Variants in PKD1L3 observed in about 807,000 individuals in gnomAD.
PKD1L3 encodes polycystin 1 like 3, transient receptor potential channel interacting, also known as polycystin-1-like protein 3.
In PKD1L3, 239 loss-of-function variants were observed where a neutral mutation model predicts 184.1. The observed-to-expected ratio is 1.30, with a 90% CI of 1.17 to 1.45. The LOEUF is 1.45. Among genes scored for constraint, PKD1L3 ranks in the 40% most tolerant of loss-of-function variants. The pLI is 0.00. For missense variants in PKD1L3, 2,660 were observed against 2,067.2 expected (o/e 1.29, Z -5.56); for synonymous variants, 996 against 778.8 (o/e 1.28, Z -4.64).
intron 6 of PKD1L3, 94 bp downstream of exon 6, chr16:71,983,942 C>T (rs917983834): frequency 3.1e-5 from 45 of 1,467,976 alleles, no homozygotes; most frequent in South Asian, 9.1e-5. Flanking sequence ...GGATTACAGG[C>T]GTGAGCCACC....
At chr16:71,947,655 T>G (rs912066203) in intron 21 of PKD1L3, 64 bp from the exon 22 acceptor site, 28 of 1,135,364 alleles carry the variant, frequency 2.5e-5, no homozygotes, top group Non-Finnish European at 2.5e-6. Context: ...TAATACCGTA[T>G]GTAAAGGAAG....
At chr16:71,932,317 T>C (rs2038003591) in intron 28 of PKD1L3, among the ~76,000 whole-genome samples, 1 of 152,218 alleles carries the variant, frequency 6.6e-6, no homozygotes, top group Non-Finnish European at 1.5e-5. Flanking sequence ...GTGCCTCATT[T>C]GGGTTTCCTA....
intron 1 of PKD1L3, among the ~76,000 whole-genome samples, chr16:71,999,000 G>C (rs1215280337): frequency 2.0e-5 from 3 of 152,058 alleles, no homozygotes; most frequent in Admixed American, 2.0e-4. Context: ...GGCCGGGCGC[G>C]GTGGCTCACG....
At chr16:71,979,282 A>G (rs1567539184) in intron 9 of PKD1L3, among the ~76,000 whole-genome samples, 1 of 152,136 alleles carries the variant, frequency 6.6e-6, no homozygotes, top group Admixed American at 6.6e-5. Flanking sequence ...CGCCTCTACT[A>G]AAAATACAAA....
At chr16:71,994,009 A>G (rs2040690677) in intron 2 of PKD1L3, among the ~76,000 whole-genome samples, 1 of 152,152 alleles carries the variant, frequency 6.6e-6, no homozygotes, top group South Asian at 2.1e-4. Flanking sequence ...ACCTCAGGTA[A>G]TGTGCCCGCC....
chr16:71,934,189 G>A, intron 26 of PKD1L3, 64 bp from the exon 27 acceptor site: 13 of 1,453,632 alleles, frequency 8.9e-6, no homozygotes, highest in Admixed American at 5.9e-5. Context: ...AGTTTCCCCA[G>A]CGCCCCTGCT....
intron 25 of PKD1L3, 54 bp from the exon 26 acceptor site, chr16:71,935,572 C>G: frequency 6.6e-7 from 1 of 1,512,402 alleles, no homozygotes; most frequent in Non-Finnish European, 8.9e-7. Context: ...AGCTAGGTCT[C>G]TCCCTGCTCA....
chr16:71,988,740 C>T (rs1256253912), intron 4 of PKD1L3, among the ~76,000 whole-genome samples: 1 of 152,124 alleles, frequency 6.6e-6, no homozygotes, highest in African/African-American at 2.4e-5. Flanking sequence ...AAAGCACACA[C>T]ATTTATTGAG....
chr16:71,932,609 G>C (rs1385787635), intron 28 of PKD1L3, among the ~76,000 whole-genome samples: 1 of 151,980 alleles, frequency 6.6e-6, no homozygotes, highest in African/African-American at 2.4e-5. Flanking sequence ...GAGGAGCTGG[G>C]ATTACAGGTG....
intron 15 of PKD1L3, among the ~76,000 whole-genome samples, chr16:71,964,301 G>C (rs976177806): frequency 9.0e-6 from 1 of 110,776 alleles, no homozygotes; most frequent in African/African-American, 3.4e-5. Context: ...AATTTCTCTC[G>C]TCAAAATCTT....
intron 2 of PKD1L3, among the ~76,000 whole-genome samples, chr16:71,994,129 C>A (rs1210488142): frequency 1.3e-5 from 2 of 152,162 alleles, no homozygotes; most frequent in Non-Finnish European, 2.9e-5. Flanking sequence ...CTCACACACA[C>A]AATTGGACAT....
chr16:71,938,831 CCT>C (rs2038267407), intron 24 of PKD1L3, among the ~76,000 whole-genome samples: 1 of 152,242 alleles, frequency 6.6e-6, no homozygotes, highest in Non-Finnish European at 1.5e-5. Flanking sequence ...CTCCTCTCCA[CCT>C]CTCTCACCCT....
intron 3 of PKD1L3, among the ~76,000 whole-genome samples, chr16:71,992,780 G>T (rs2040640108): frequency 6.6e-6 from 1 of 152,076 alleles, no homozygotes; most frequent in African/African-American, 2.4e-5. Context: ...ACTTTAAATC[G>T]ATCTGTTTCA....
intron 15 of PKD1L3, among the ~76,000 whole-genome samples, chr16:71,964,361 C>G (rs537195143): frequency 1.4e-3 from 113 of 81,840 alleles, no homozygotes; most frequent in African/African-American, 4.9e-3. Flanking sequence ...TTTTTTGAGA[C>G]AGAGTTTCAC....
chr16:71,999,613 C>CA (rs2040900761), intron 1 of PKD1L3, 71 bp downstream of exon 1: 1 of 1,141,952 alleles, frequency 8.8e-7, no homozygotes, highest in African/African-American at 1.6e-5. Context: ...TTAAGATTTT[C>CA]TTTTTTTTTT....
chr16:71,964,744 G>T (rs765728487), intron 15 of PKD1L3, among the ~76,000 whole-genome samples: 2 of 151,732 alleles, frequency 1.3e-5, no homozygotes, highest in Non-Finnish European at 2.9e-5. Flanking sequence ...CTCATTCCTG[G>T]CCTTAGGAGA....
intron 20 of PKD1L3, 48 bp from the exon 21 acceptor site, chr16:71,950,065 T>G (rs1187773489): frequency 6.5e-7 from 1 of 1,549,162 alleles, no homozygotes. Flanking sequence ...TCGGCTGAGA[T>G]AGAGGATGAG....
chr16:71,984,144 G>C lies in PKD1L3; in HGVS notation c.858C>G (p.Asn286Lys). The change falls in exon 6 of 30, where the codon AAC becomes AAG. Residue 286 changes from asparagine to lysine, a missense_variant. By Grantham distance (94) the Asn-to-Lys change is moderately conservative (BLOSUM62 0). Coordinates refer to ENST00000620267, the MANE Select transcript of PKD1L3 (RefSeq NM_181536.2). ...GCAAACCATGAACTGCTCTGCTGAA[G>C]TTCCCTGCTATCTCATCTATGACCT... ...SGQVIDEIAG[N>K]FSRAVHGLQA... The C allele has an allele frequency of 6.4e-7, 1 of 1,551,672 alleles. No homozygotes were observed. The highest frequency in any genetic ancestry group is 2.4e-5 in the East Asian group (1 of 40,906).
chr16:71,993,104 G>A lies in PKD1L3; in HGVS notation c.535+112C>T, dbSNP rs563989522. 2.5e-4 allele frequency: 182 copies of A among 727,662 alleles called. No individual in the cohort carries two copies. In the African/African-American group the frequency reaches 2.9e-3, roughly 12 times the overall value. 45.1% of individuals were successfully genotyped at this position (727,662 alleles called of 1,614,324 possible). On this transcript the variant is annotated intron_variant, in intron 3 of 29. Coordinates refer to ENST00000620267, the MANE Select transcript of PKD1L3 (RefSeq NM_181536.2). ...AAGATCAGACAGAATAGAATGCAAC[G>A]AATATTGGGCACATGTTATAACACA... is the stretch of plus-strand genomic sequence containing the variant.
Sources: gnomAD v4.1 joint callset for allele counts (sites outside exome capture counted in the v4.1 genomes callset) on GRCh38, gnomAD v4.1.1 for gene constraint, MANE v1.5 for transcripts, NCBI Gene and HGNC (gene_info 2026-07-23, HGNC 2026-07-21) for gene names.